The following RC3H1 variants were observed in gnomAD, a reference collection of about 807,000 sequenced individuals.
RC3H1 encodes roquin-1.
Under a neutral mutation model 138.2 loss-of-function variants are expected in RC3H1, and 50 were observed. That is an observed-to-expected ratio of 0.36 (90% confidence interval 0.29 to 0.46). The LOEUF is 0.46. Ranked by LOEUF, RC3H1 falls within the 20% of genes least tolerant of loss-of-function variation. The probability of loss-of-function intolerance (pLI) is 1.00; values close to 1 mark genes in which losing one functional copy is unlikely to be tolerated. For missense variants in RC3H1, 1,031 were observed against 1,388.1 expected, an observed-to-expected ratio of 0.74 and a Z score of 4.09; for synonymous variants, 462 against 489.1, an observed-to-expected ratio of 0.94 and a Z score of 0.73.
In RC3H1 at chr1:173,961,101, C is replaced by G. The variant is rs972115554; in HGVS notation, c.2346G>C (p.Leu782Phe). ...SPPPFAPSPT[L>F]PPTFHPEEFL... The stretch of plus-strand genomic sequence containing the variant: ...CTTCTTCCGGATGAAAGGTAGGAGG[C>G]AAGGTTGGTGAAGGTGCAAAAGGAG... The change falls in exon 13 of 20, where the codon TTG (leucine) becomes TTC (phenylalanine). Residue 782 changes from leucine (L) to phenylalanine (F), a missense_variant. Coordinates refer to ENST00000367696, the MANE Select transcript of RC3H1 (RefSeq NM_172071.4). The G allele has an allele frequency of 3.1e-6, 5 of 1,612,946 alleles. No individual in the cohort carries two copies. Among genetic ancestry groups the G allele is most frequent in the Non-Finnish European group, 4.2e-6 (5 of 1,179,604 alleles).
chr1:173,986,958 A>G (rs1661053871), intron 2 of RC3H1, among the ~76,000 whole-genome samples: 1 of 152,134 alleles, frequency 6.6e-6, no homozygotes, highest in African/African-American at 2.4e-5. Flanking sequence ...CTGGTCTGGT[A>G]TGTTGTAGAA....
Position 173,960,642 on chromosome 1 carries a change from G to A in RC3H1, c.2370+435C>T, listed in dbSNP as rs1048495941. Among the ~76,000 whole-genome samples, 116 of 152,110 alleles carry A rather than the reference G, an allele frequency of 7.6e-4. 1 individual carries two copies. Among genetic ancestry groups the A allele is most frequent in the Non-Finnish European group, 2.6e-4 (18 of 68,024 alleles). ...AGCAGATATTTTTGTGGAAATCAAC[G>A]TGCTGATTCTTGAAAAATAACAATA... On this transcript the variant is annotated intron_variant, in intron 13 of 19. Coordinates refer to ENST00000367696, the MANE Select transcript of RC3H1 (RefSeq NM_172071.4).
At chr1:173,961,704 A>AT (rs757071298) in intron 12 of RC3H1, 21 bp downstream of exon 12, 2 of 1,588,398 alleles carry the variant, frequency 1.3e-6, no homozygotes, top group Non-Finnish European at 1.7e-6. Flanking sequence ...AGTCTATGTA[A>AT]TAAAAAAAAA....
intron 9 of RC3H1, among the ~76,000 whole-genome samples, chr1:173,967,073 G>A (rs1660153010): frequency 6.6e-6 from 1 of 152,158 alleles, no homozygotes; most frequent in Non-Finnish European, 1.5e-5. Flanking sequence ...TGTAATCCCA[G>A]CACTTTGGGA....
rs936959221 is a variant in RC3H1, at chr1:173,935,128, T to A, written c.*3593A>T. On this transcript the variant is annotated 3_prime_UTR_variant, in exon 20 of 20. Transcript: ENST00000367696. ...TACTACTACTAGAAATCTAGCTAACTCTTCTTTTAATTAGAAAAGTAATAA... is the reference window on the plus strand; with the variant it reads ...TACTACTACTAGAAATCTAGCTAACACTTCTTTTAATTAGAAAAGTAATAA... 2.2e-4 allele frequency: 34 copies of A among 152,212 alleles called. No individual in the cohort carries two copies. The highest frequency in any genetic ancestry group is 8.0e-4 in the African/African-American group (33 of 41,456). The allele number at this position is 152,212 out of a possible 1,614,324, so 9.4% of individuals were successfully genotyped here.
At chr1:173,955,750 A>G (rs1198465444) in intron 13 of RC3H1, among the ~76,000 whole-genome samples, 1 of 152,242 alleles carries the variant, frequency 6.6e-6, no homozygotes, top group Non-Finnish European at 1.5e-5. Context: ...ATATTTATTT[A>G]GCCCACAGGA....
intron 13 of RC3H1, 22 bp downstream of exon 13, chr1:173,961,055 A>G (rs769457833): frequency 6.2e-7 from 1 of 1,608,354 alleles, no homozygotes; most frequent in Non-Finnish European, 8.5e-7. Flanking sequence ...CGGATAAATG[A>G]GACTAAAAAT....
intron 7 of RC3H1, among the ~76,000 whole-genome samples, chr1:173,977,898 G>A (rs1660653025): frequency 1.3e-5 from 2 of 152,160 alleles, no homozygotes; most frequent in African/African-American, 4.8e-5. Context: ...CAAAGCTTTT[G>A]GAATCAGAGA....
chr1:173,988,120 CTT>C lies in RC3H1; in HGVS notation c.232-3503_232-3502del, dbSNP rs201646020. Among the ~76,000 whole-genome samples the C allele has an allele frequency of 7.4e-3, 1,125 of 152,284 alleles. 8 individuals are homozygous for C. The highest frequency in any genetic ancestry group is 0.014 in the Middle Eastern group (4 of 294). ...TATACTTCAGATTGTCTTCCATAATCTTTGTAAAGTTCTACAGTTTTTGACAA... is the reference window on the plus strand; with the variant it reads ...TATACTTCAGATTGTCTTCCATAATCTGTAAAGTTCTACAGTTTTTGACAA... On this transcript the variant is annotated intron_variant, in intron 2 of 19. Coordinates refer to ENST00000367696, the MANE Select transcript of RC3H1 (RefSeq NM_172071.4).
rs1017477295 is a variant in RC3H1, at chr1:174,021,684, T to A, written c.-151+412A>T. 2.0e-5 allele frequency among the ~76,000 whole-genome samples: 3 copies of A among 152,216 alleles called. No homozygotes were observed. In the South Asian group the frequency reaches 6.2e-4, roughly 32 times the overall value. On this transcript the variant is annotated intron_variant, in intron 1 of 19. Transcript: ENST00000367696. ...CTGGGAGGCCGAGGCGGCGCCTGTT[T>A]ACAGACGCCTTCGCCCTCCCCCACC...
At chr1:173,964,558 G>T (rs1022668345) in intron 10 of RC3H1, among the ~76,000 whole-genome samples, 1 of 150,820 alleles carries the variant, frequency 6.6e-6, no homozygotes, top group African/African-American at 2.4e-5. Flanking sequence ...AGTAGAAATG[G>T]GTTTCATCAT....
chr1:173,975,215 C>T (rs142543838), intron 7 of RC3H1, among the ~76,000 whole-genome samples: 1,971 of 152,148 alleles, frequency 0.013, 49 homozygotes, highest in African/African-American at 0.045. Context: ...CCTGTCTCAG[C>T]CTCCCAAGTA....
rs962814712 is a variant in RC3H1, at chr1:173,938,101, G to A, written c.*620C>T. ...AGCTTCAATGTCAAGAAAAATATAC[G>A]TATCCAATGAAGCTAGTGATCTAGA... On this transcript the variant is annotated 3_prime_UTR_variant, in exon 20 of 20. Coordinates refer to ENST00000367696, the MANE Select transcript of RC3H1 (RefSeq NM_172071.4). 4 of 152,218 alleles carry A rather than the reference G, an allele frequency of 2.6e-5. No individual in the cohort carries two copies. Among genetic ancestry groups the A allele is most frequent in the East Asian group, 1.9e-4 (1 of 5,186 alleles). The allele number at this position is 152,218 out of a possible 1,614,324, so 9.4% of individuals were successfully genotyped here.
chr1:173,995,533 C>T (rs1329130666), intron 1 of RC3H1, among the ~76,000 whole-genome samples: 1 of 85,316 alleles, frequency 1.2e-5, no homozygotes, highest in Non-Finnish European at 2.4e-5. Flanking sequence ...GACTCCATCT[C>T]AAAAAAAAAA....
chr1:173,964,293 T>C (rs963678475), intron 10 of RC3H1, 106 bp from the exon 11 acceptor site: 66 of 842,932 alleles, frequency 7.8e-5, no homozygotes, highest in Middle Eastern at 6.8e-4. Context: ...CTTATTCTAA[T>C]AGTCCTCCCT....
Position 173,935,188 on chromosome 1 carries a change from T to C in RC3H1, c.*3533A>G, listed in dbSNP as rs747049692. On this transcript the variant is annotated 3_prime_UTR_variant, in exon 20 of 20. Coordinates refer to ENST00000367696, the MANE Select transcript of RC3H1 (RefSeq NM_172071.4). Reference sequence around the variant, plus strand: ...CTTTGGTCACTTCAGCCTCTGTACGTTATCTAAGACAGGACAGTTACTGGA... The same window carrying C: ...CTTTGGTCACTTCAGCCTCTGTACGCTATCTAAGACAGGACAGTTACTGGA... 26 of 152,182 alleles carry C rather than the reference T, an allele frequency of 1.7e-4. No individual in the cohort carries two copies. Among genetic ancestry groups the C allele is most frequent in the Non-Finnish European group, 3.7e-4 (25 of 68,036 alleles). 9.4% of individuals were successfully genotyped at this position (152,182 alleles called of 1,614,324 possible). A position where few individuals can be genotyped will look rare whatever the true frequency, so the allele number is the denominator to read the frequency against.
Position 173,989,016 on chromosome 1 carries a change from A to ATCT in RC3H1, c.231+3736_231+3738dup, listed in dbSNP as rs1167505847. ...TTGTTCTTTTTGCTTTCTTGTTGGT[A>ATCT]TCTTTGTTTTTTGTTGTTGCTATTG... is the stretch of plus-strand genomic sequence containing the variant. On this transcript the variant is annotated intron_variant, in intron 2 of 19. Transcript: ENST00000367696. 9.2e-5 allele frequency among the ~76,000 whole-genome samples: 14 copies of ATCT among 152,130 alleles called. 1 individual carries two copies. The East Asian group carries it at 2.7e-3, about 29-fold the overall frequency.
At chr1:174,016,422 C>CTTT (rs1189625122) in intron 1 of RC3H1, among the ~76,000 whole-genome samples, 37 of 118,270 alleles carry the variant, frequency 3.1e-4, no homozygotes, top group African/African-American at 1.0e-3. Flanking sequence ...TTTAAGTTTC[C>CTTT]TTTTTTTTTT....
At chr1:174,000,758 C>G (rs1191444756) in intron 1 of RC3H1, among the ~76,000 whole-genome samples, 1 of 152,090 alleles carries the variant, frequency 6.6e-6, no homozygotes, top group Non-Finnish European at 1.5e-5. Flanking sequence ...AAAAATGAAG[C>G]TAGAAGCAGG....
Sources: gnomAD v4.1 joint callset for allele counts (sites outside exome capture counted in the v4.1 genomes callset) on GRCh38, gnomAD v4.1.1 for gene constraint, MANE v1.5 for transcripts, NCBI Gene and HGNC (gene_info 2026-07-23, HGNC 2026-07-21) for gene names.